PPP1R8: variants seen among roughly 807,000 people sequenced by gnomAD.
PPP1R8 encodes protein phosphatase 1 regulatory subunit 8.
Under a neutral mutation model 31.3 loss-of-function variants are expected in PPP1R8, and 4 were observed. That is an observed-to-expected ratio of 0.13 (90% confidence interval 0.06 to 0.29). The LOEUF (loss-of-function observed/expected upper bound fraction) is 0.29, where lower values mean the gene tolerates loss of function less well. Among genes scored for constraint, PPP1R8 ranks in the 10% least tolerant of loss-of-function variants. The pLI is 1.00. For missense variants in PPP1R8, 254 were observed against 440.1 expected (o/e 0.58, Z 3.78); for synonymous variants, 170 against 169.7 (o/e 1.00, Z -0.01).
chr1:27,846,930 AAT>A (rs1192685419), intron 5 of PPP1R8, 96 bp from the exon 6 acceptor site: 3 of 1,021,968 alleles, frequency 2.9e-6, no homozygotes, highest in African/African-American at 1.6e-5. Flanking sequence ...TTACAATTTT[AAT>A]ATGAGTTGTT....
At chr1:27,845,783 C>CTTTCTTTTTTTT (rs1213199027) in intron 5 of PPP1R8, among the ~76,000 whole-genome samples, 1 of 91,836 alleles carries the variant, frequency 1.1e-5, no homozygotes, top group African/African-American at 5.0e-5. Flanking sequence ...TTCTTTCTTT[C>CTTTCTTTTTTTT]TTTTTTTTTT....
At position 27,850,465 on chromosome 1, in the gene PPP1R8, AGGGTGGGATTGGGTGGGAATG is replaced by A; in HGVS notation, c.*26_*46del. Reference sequence around the variant, plus strand: ...GATTTGATATTTTTGGTCATGGAGAAGGGTGGGATTGGGTGGGAATGGGGTGGAAGGGTGATGGGGAGCTAA... The same window carrying A: ...GATTTGATATTTTTGGTCATGGAGAAGGGTGGAAGGGTGATGGGGAGCTAA... On this transcript the variant is annotated 3_prime_UTR_variant, in exon 7 of 7. Transcript: ENST00000311772. 2.1e-6 allele frequency: 1 copy of A among 476,842 alleles called. No homozygotes were observed. Among genetic ancestry groups the A allele is most frequent in the Non-Finnish European group, 4.3e-6 (1 of 231,226 alleles). The allele number at this position is 476,842 out of a possible 1,614,324, so 29.5% of individuals were successfully genotyped here.
At chr1:27,831,171 C>T in intron 1 of PPP1R8, 1 of 1,215,166 alleles carries the variant, frequency 8.2e-7, no homozygotes, top group Non-Finnish European at 1.0e-6. Flanking sequence ...CGCTTCGAGG[C>T]CTTGGCCCGA....
At chr1:27,832,458 C>G (rs1233432616) in intron 1 of PPP1R8, among the ~76,000 whole-genome samples, 1 of 152,192 alleles carries the variant, frequency 6.6e-6, no homozygotes, top group Non-Finnish European at 1.5e-5. Context: ...AGCTATCGTA[C>G]TTGCACTCTC....
rs1229044264 is a variant in PPP1R8 at position 27,843,281 on chromosome 1, G to A, written c.588G>A (p.Arg196=). The change falls in exon 5 of 7, where the codon AGG becomes AGA. Residue 196 remains arginine (R), a synonymous_variant. Coordinates refer to ENST00000311772, the MANE Select transcript of PPP1R8 (RefSeq NM_014110.5). The part of the protein sequence containing the change: ...NLDIQRPKRK[R]KNSRVTFSED... ...ACATTCAAAGACCAAAGAGGAAGAG[G>A]AAGAACTCACGGGTGACATTCAGTG... 1.2e-6 allele frequency: 2 copies of A among 1,614,168 alleles called. No homozygotes were observed. The highest frequency in any genetic ancestry group is 1.7e-6 in the Non-Finnish European group (2 of 1,180,030).
At chr1:27,841,476 T>C (rs1029147852) in intron 4 of PPP1R8, among the ~76,000 whole-genome samples, 1 of 152,174 alleles carries the variant, frequency 6.6e-6, no homozygotes, top group Non-Finnish European at 1.5e-5. Context: ...CTAGTCTCCT[T>C]GAGCTGTTTT....
chr1:27,838,247 G>A (rs1025216271), intron 2 of PPP1R8, among the ~76,000 whole-genome samples: 2 of 151,718 alleles, frequency 1.3e-5, no homozygotes, highest in African/African-American at 4.9e-5. Context: ...GAACGTGGTG[G>A]TGCACGCCTG....
intron 3 of PPP1R8, among the ~76,000 whole-genome samples, chr1:27,839,704 A>G (rs993475033): frequency 3.3e-5 from 5 of 152,162 alleles, no homozygotes; most frequent in Non-Finnish European, 5.9e-5. Context: ...GGAAAATTTC[A>G]TTATTCTGGT....
At chr1:27,848,649 G>A (rs2089308972) in intron 6 of PPP1R8, among the ~76,000 whole-genome samples, 1 of 152,190 alleles carries the variant, frequency 6.6e-6, no homozygotes, top group African/African-American at 2.4e-5. Flanking sequence ...AGTAAGATCT[G>A]TCAGAGTTCC....
chr1:27,847,279 G>A (rs1338323483), intron 6 of PPP1R8, among the ~76,000 whole-genome samples, 187 bp downstream of exon 6: 1 of 152,140 alleles, frequency 6.6e-6, no homozygotes, highest in East Asian at 1.9e-4. Flanking sequence ...GGCCAAGGCA[G>A]GCAGATCACC....
intron 6 of PPP1R8, among the ~76,000 whole-genome samples, chr1:27,847,588 G>A (rs572625191): frequency 6.6e-6 from 1 of 152,074 alleles, no homozygotes; most frequent in African/African-American, 2.4e-5. Context: ...AAAATTAGCT[G>A]GGTGTGGTGG....
At chr1:27,838,054 AC>A (rs1471476440) in intron 2 of PPP1R8, among the ~76,000 whole-genome samples, 2 of 151,870 alleles carry the variant, frequency 1.3e-5, no homozygotes, top group Non-Finnish European at 2.9e-5. Context: ...TACTAAAGAT[AC>A]AAAAAATTAG....
chr1:27,845,673 A>C (rs1350362170), intron 5 of PPP1R8, among the ~76,000 whole-genome samples: 8 of 151,974 alleles, frequency 5.3e-5, no homozygotes, highest in African/African-American at 1.9e-4. Flanking sequence ...ATGTGAAAAA[A>C]TCCAGACTTA....
intron 2 of PPP1R8, among the ~76,000 whole-genome samples, chr1:27,833,555 G>A (rs574920691): frequency 2.0e-5 from 3 of 152,138 alleles, no homozygotes; most frequent in East Asian, 1.9e-4. Flanking sequence ...ATTAGTTTGC[G>A]TAAATTTTTT....
intron 4 of PPP1R8, 68 bp downstream of exon 4, chr1:27,841,302 A>T: frequency 6.6e-7 from 1 of 1,520,024 alleles, no homozygotes; most frequent in Non-Finnish European, 9.0e-7. Flanking sequence ...CAGCTGTTCT[A>T]TGTAGCTGGA....
rs1412580411 is a variant in PPP1R8 at position 27,850,646 on chromosome 1, T to C, written c.*200T>C. The stretch of plus-strand genomic sequence containing the variant: ...AAGACCTGTCTTCACAACACTTGCA[T>C]TGTAGAGAAAGGCTTCTTATATCCT... On this transcript the variant is annotated 3_prime_UTR_variant, in exon 7 of 7. Coordinates refer to ENST00000311772, the MANE Select transcript of PPP1R8 (RefSeq NM_014110.5). 7.1e-6 allele frequency: 4 copies of C among 559,758 alleles called. No individual in the cohort carries two copies. The Admixed American group carries it at 9.2e-5, about 13-fold the overall frequency. The allele number at this position is 559,758 out of a possible 1,614,324, so 34.7% of individuals were successfully genotyped here.
chr1:27,836,609 G>C (rs565617647), intron 2 of PPP1R8, among the ~76,000 whole-genome samples: 7 of 151,848 alleles, frequency 4.6e-5, no homozygotes, highest in African/African-American at 1.7e-4. Flanking sequence ...TAGTAGAGAC[G>C]GGGTTTCACT....
At position 27,850,691 on chromosome 1, in the gene PPP1R8, C is replaced by G; in HGVS notation, c.*245C>G. The G allele has an allele frequency of 2.2e-6, 1 of 449,114 alleles. No homozygotes were observed. 27.8% of individuals were successfully genotyped at this position (449,114 alleles called of 1,614,324 possible). A position where few individuals can be genotyped will look rare whatever the true frequency, so the allele number is the denominator to read the frequency against. ...TATCCTTTTCAATAGACTGCCCTGG[C>G]TCTTTCCTAGGCCTTCCACTACCTC... On this transcript the variant is annotated 3_prime_UTR_variant, in exon 7 of 7. Transcript: ENST00000311772.
At position 27,838,752 on chromosome 1, in the gene PPP1R8, G is replaced by A. The variant is rs758078377; in HGVS notation, c.171G>A (p.Leu57=). ...ACTTATTTGGGAGAAACCCTGATTTGTGTGACTTTACCATTGACCACCAGT... is the reference window on the plus strand; with the variant it reads ...ACTTATTTGGGAGAAACCCTGATTTATGTGACTTTACCATTGACCACCAGT... The part of the protein sequence containing the change: ...KYYLFGRNPD[L]CDFTIDHQSC... The change falls in exon 3 of 7, where the codon TTG becomes TTA. Residue 57 remains leucine (L), a synonymous_variant. Coordinates refer to ENST00000311772, the MANE Select transcript of PPP1R8 (RefSeq NM_014110.5). 34 of 1,608,318 alleles carry A rather than the reference G, an allele frequency of 2.1e-5. No individual in the cohort carries two copies. The highest frequency in any genetic ancestry group is 2.3e-5 in the Non-Finnish European group (27 of 1,176,000).
Sources: gnomAD v4.1 joint callset for allele counts (sites outside exome capture counted in the v4.1 genomes callset) on GRCh38, gnomAD v4.1.1 for gene constraint, MANE v1.5 for transcripts, NCBI Gene and HGNC (gene_info 2026-07-23, HGNC 2026-07-21) for gene names.